CYREN: variants seen among roughly 807,000 people sequenced by gnomAD.
CYREN encodes the protein cell cycle regulator of NHEJ.
Under a neutral mutation model 9.7 loss-of-function variants are expected in CYREN, and 7 were observed. The observed-to-expected ratio is 0.72, with a 90% CI of 0.41 to 1.36. The LOEUF (loss-of-function observed/expected upper bound fraction) is 1.36, where lower values mean the gene tolerates loss of function less well. Among genes scored for constraint, CYREN ranks in the 40% most tolerant of loss-of-function variants. The probability of loss-of-function intolerance (pLI) is 0.01; values close to 1 mark genes in which losing one functional copy is unlikely to be tolerated. For missense variants in CYREN, 215 were observed against 198.1 expected (o/e 1.09, Z -0.51); for synonymous variants, 76 against 77.9 (o/e 0.98, Z 0.13).
At chr7:135,126,887 T>TA in intron 2 of CYREN, among the ~76,000 whole-genome samples, 1 of 152,126 alleles carries the variant, frequency 6.6e-6, no homozygotes, top group East Asian at 1.9e-4. Context: ...ATTAAAGACT[T>TA]AAATGTAAAA....
intron 2 of CYREN, among the ~76,000 whole-genome samples, chr7:135,107,704 G>T (rs1824958515): frequency 6.6e-6 from 1 of 152,148 alleles, no homozygotes; most frequent in Admixed American, 6.5e-5. Context: ...GATTTAGGAT[G>T]GAGAGTTCTG....
chr7:135,118,907 G>A (rs1333712573), intron 2 of CYREN, among the ~76,000 whole-genome samples: 1 of 151,998 alleles, frequency 6.6e-6, no homozygotes, highest in Non-Finnish European at 1.5e-5. Context: ...CAGTATAATT[G>A]TACAAATAGA....
At chr7:135,095,821 A>G (rs1385021740) in intron 2 of CYREN, among the ~76,000 whole-genome samples, 3 of 152,178 alleles carry the variant, frequency 2.0e-5, no homozygotes, top group Non-Finnish European at 4.4e-5. Context: ...GGGGTACTGA[A>G]GTGCAACTTA....
chr7:135,107,388 T>C (rs374719724), intron 2 of CYREN, among the ~76,000 whole-genome samples: 34 of 152,336 alleles, frequency 2.2e-4, no homozygotes, highest in African/African-American at 7.5e-4. Context: ...GCCTTAGCTA[T>C]GTCCCAGAGA....
chr7:135,170,737 T>G (rs1330227659), upstream of CYREN: 1 of 152,216 alleles, frequency 6.6e-6, no homozygotes, highest in East Asian at 1.9e-4. Context: ...CCCCGCGCGC[T>G]CCGGGGTCCC....
At chr7:135,123,430 G>A (rs1372724006) in intron 2 of CYREN, among the ~76,000 whole-genome samples, 5 of 152,082 alleles carry the variant, frequency 3.3e-5, no homozygotes, top group African/African-American at 9.7e-5. Context: ...CAGAGTACCT[G>A]AGGGAGACGG....
At chr7:135,127,768 G>A (rs375741320) in intron 2 of CYREN, among the ~76,000 whole-genome samples, 4 of 152,092 alleles carry the variant, frequency 2.6e-5, no homozygotes, top group Non-Finnish European at 5.9e-5. Context: ...ACAGTATGGC[G>A]ATTCCTCAAG....
At chr7:135,127,213 T>C (rs983856737) in intron 2 of CYREN, among the ~76,000 whole-genome samples, 1 of 151,692 alleles carries the variant, frequency 6.6e-6, no homozygotes, top group South Asian at 2.1e-4. Flanking sequence ...GCAAAGGATA[T>C]GAAGACGCTT....
chr7:135,149,312 A>G (rs999805159), intron 2 of CYREN, among the ~76,000 whole-genome samples: 1 of 152,120 alleles, frequency 6.6e-6, no homozygotes, highest in African/African-American at 2.4e-5. Flanking sequence ...ATACTTCTTT[A>G]GTCTCTTTCT....
chr7:135,114,258 T>C (rs936015667), intron 2 of CYREN, among the ~76,000 whole-genome samples: 16 of 152,320 alleles, frequency 1.1e-4, no homozygotes, highest in African/African-American at 3.8e-4. Flanking sequence ...TTTTTAATTA[T>C]TGAGGAACCA....
intron 2 of CYREN, chr7:135,115,259 A>G (rs937743171): frequency 1.7e-6 from 1 of 602,294 alleles, no homozygotes. Context: ...CACTGTCATT[A>G]AAGTACAAGC....
At chr7:135,104,781 T>C (rs1824403793) in intron 2 of CYREN, among the ~76,000 whole-genome samples, 1 of 151,882 alleles carries the variant, frequency 6.6e-6, no homozygotes, top group South Asian at 2.1e-4. Flanking sequence ...TGTTTGGTTT[T>C]TTTTTTTCTT....
At chr7:135,165,322 A>G, downstream of CYREN, 1 of 256,480 alleles carries the variant, frequency 3.9e-6, no homozygotes, top group East Asian at 8.4e-5. Flanking sequence ...GAGGGTGGGG[A>G]GGGAGTGATT....
At chr7:135,134,755 ATAT>A (rs1386177276) in intron 2 of CYREN, 1 of 1,244,040 alleles carries the variant, frequency 8.0e-7, no homozygotes, top group African/African-American at 1.5e-5. Flanking sequence ...AAAAGGAAAA[ATAT>A]TATTTATACT....
intron 2 of CYREN, among the ~76,000 whole-genome samples, chr7:135,159,169 C>A (rs527801403): frequency 1.3e-5 from 2 of 152,356 alleles, no homozygotes; most frequent in Admixed American, 6.5e-5. Flanking sequence ...TTTCCCATAT[C>A]TTTTCTGGTT....
At chr7:135,104,537 C>A (rs112038812) in intron 2 of CYREN, among the ~76,000 whole-genome samples, 164 of 152,286 alleles carry the variant, frequency 1.1e-3, no homozygotes, top group Non-Finnish European at 2.0e-3. Context: ...CTAATCTACA[C>A]TCCCACCAAC....
chr7:135,158,076 C>T (rs1829838990), intron 2 of CYREN, among the ~76,000 whole-genome samples: 1 of 152,082 alleles, frequency 6.6e-6, no homozygotes, highest in Non-Finnish European at 1.5e-5. Flanking sequence ...CTTGACTGGG[C>T]AGCAGCTTCA....
At chr7:135,152,895 T>C (rs1829698283) in intron 2 of CYREN, 3 of 152,226 alleles carry the variant, frequency 2.0e-5, no homozygotes, top group Admixed American at 1.3e-4. Context: ...TAGCAACTGC[T>C]GCTGGTGGTG....
intron 2 of CYREN, among the ~76,000 whole-genome samples, chr7:135,158,889 A>G (rs1169828860): frequency 6.6e-6 from 1 of 152,224 alleles, no homozygotes; most frequent in East Asian, 1.9e-4. Flanking sequence ...CACCCTGCTG[A>G]GGCTGCTCCA....
Sources: allele counts gnomAD v4.1 joint callset (sites outside exome capture counted in the v4.1 genomes callset), GRCh38; gene constraint gnomAD v4.1.1; transcripts MANE v1.5; gene names NCBI Gene and HGNC (gene_info 2026-07-23, HGNC 2026-07-21).